Variants in KCNH5 observed in about 807,000 individuals in gnomAD.
KCNH5 encodes voltage-gated delayed rectifier potassium channel KCNH5.
In KCNH5, 46 loss-of-function variants were observed where a neutral mutation model predicts 96.1. That is an observed-to-expected ratio of 0.48 (90% CI 0.38 to 0.61). The LOEUF (loss-of-function observed/expected upper bound fraction) is 0.61, where lower values mean the gene tolerates loss of function less well. KCNH5 is among the 20% of genes least tolerant of loss of function. The pLI, the probability that KCNH5 is intolerant of heterozygous loss-of-function variation, is 0.00. For synonymous variants in KCNH5, 439 were observed against 449.8 expected (o/e 0.98, Z 0.30); for missense variants, 907 against 1,225.8 (o/e 0.74, Z 3.88).
chr14:62,866,558 T>C (rs1888138521), intron 7 of KCNH5, among the ~76,000 whole-genome samples: 1 of 152,168 alleles, frequency 6.6e-6, no homozygotes, highest in African/African-American at 2.4e-5. Flanking sequence ...AATAAGCATG[T>C]GATGAAAAAG....
intron 8 of KCNH5, among the ~76,000 whole-genome samples, chr14:62,842,989 A>G (rs536591950): frequency 4.6e-5 from 7 of 152,284 alleles, no homozygotes; most frequent in Non-Finnish European, 8.8e-5. Context: ...ATTTAGTACT[A>G]TGTTCTACAT....
In KCNH5 at chr14:62,909,872, C is replaced by T. The variant is rs557377477; in HGVS notation, c.1369+40261G>A. ...TGCTCCTTATATGCTTTGCTCCTTC[C>T]GCTTGCCATTGTACTTATCTCTTCT... is the stretch of plus-strand genomic sequence containing the variant. On this transcript the variant is annotated intron_variant, in intron 7 of 10. Coordinates refer to ENST00000322893, the MANE Select transcript of KCNH5 (RefSeq NM_139318.5). Among the ~76,000 whole-genome samples, 143 of 152,070 alleles carry T rather than the reference C, an allele frequency of 9.4e-4. No homozygotes were observed. In the Middle Eastern group the frequency reaches 0.01, roughly 11 times the overall value.
intron 7 of KCNH5, among the ~76,000 whole-genome samples, chr14:62,897,932 A>G (rs1245323066): frequency 6.6e-6 from 1 of 152,026 alleles, no homozygotes; most frequent in Non-Finnish European, 1.5e-5. Context: ...ACCACAGAGG[A>G]AAAAAAACTT....
chr14:62,877,226 A>G (rs1432856431), intron 7 of KCNH5, among the ~76,000 whole-genome samples: 1 of 151,856 alleles, frequency 6.6e-6, no homozygotes, highest in Non-Finnish European at 1.5e-5. Context: ...CGTTAGACCT[A>G]AAACCATAAA....
intron 8 of KCNH5, among the ~76,000 whole-genome samples, chr14:62,819,027 C>T (rs951922704): frequency 6.6e-6 from 1 of 152,242 alleles, no homozygotes; most frequent in Non-Finnish European, 1.5e-5. Flanking sequence ...AGTGCAGTGG[C>T]ACAATCTCAG....
intron 1 of KCNH5, among the ~76,000 whole-genome samples, chr14:63,022,438 C>A (rs535491661): frequency 6.6e-6 from 1 of 151,296 alleles, no homozygotes; most frequent in Non-Finnish European, 1.5e-5. Flanking sequence ...TGAAGCCAAA[C>A]GAGTTTTTTG....
At chr14:62,945,851 A>G (rs1460567014) in intron 7 of KCNH5, among the ~76,000 whole-genome samples, 3 of 152,090 alleles carry the variant, frequency 2.0e-5, no homozygotes, top group Non-Finnish European at 4.4e-5. Context: ...GATGGTGAGC[A>G]TGGACTTAGG....
chr14:62,755,993 G>A (rs1257694621), intron 10 of KCNH5, among the ~76,000 whole-genome samples: 1 of 151,626 alleles, frequency 6.6e-6, no homozygotes, highest in Non-Finnish European at 1.5e-5. Flanking sequence ...TAGATCCACA[G>A]CTAGTACTAT....
chr14:62,972,078 T>G (rs1594652951), intron 6 of KCNH5, among the ~76,000 whole-genome samples: 1 of 152,072 alleles, frequency 6.6e-6, no homozygotes, highest in East Asian at 1.9e-4. Flanking sequence ...AGCCACAAAC[T>G]GAGAGAAAAT....
intron 7 of KCNH5, among the ~76,000 whole-genome samples, chr14:62,865,561 G>T (rs1486455340): frequency 6.6e-6 from 1 of 152,136 alleles, no homozygotes; most frequent in Non-Finnish European, 1.5e-5. Context: ...TAAGTCAGAG[G>T]ACTCTAACAC....
chr14:63,031,615 A>G (rs892390484), intron 1 of KCNH5, among the ~76,000 whole-genome samples: 2 of 152,184 alleles, frequency 1.3e-5, no homozygotes, highest in Non-Finnish European at 2.9e-5. Context: ...AATGGGAGAA[A>G]TCAAAGGATA....
intron 7 of KCNH5, among the ~76,000 whole-genome samples, chr14:62,932,023 G>A (rs1015940569): frequency 1.3e-5 from 2 of 152,112 alleles, no homozygotes; most frequent in Non-Finnish European, 2.9e-5. Flanking sequence ...GAGGGAATTG[G>A]CAGCCTAACA....
At chr14:62,886,063 T>C (rs1287401319) in intron 7 of KCNH5, among the ~76,000 whole-genome samples, 1 of 151,762 alleles carries the variant, frequency 6.6e-6, no homozygotes, top group African/African-American at 2.4e-5. Flanking sequence ...CTCACAATCA[T>C]TAGTCATGTT....
intron 7 of KCNH5, among the ~76,000 whole-genome samples, chr14:62,915,509 G>T (rs1889256385): frequency 1.3e-5 from 2 of 152,154 alleles, no homozygotes; most frequent in Non-Finnish European, 1.5e-5. Context: ...ACAAGTGAAT[G>T]CAGTAAAAGT....
At chr14:63,033,453 CACT>C (rs2139626031) in intron 1 of KCNH5, among the ~76,000 whole-genome samples, 1 of 152,324 alleles carries the variant, frequency 6.6e-6, no homozygotes, top group East Asian at 1.9e-4. Flanking sequence ...ATCAATTTAA[CACT>C]ACTTCTTTAG....
At chr14:62,936,093 T>G (rs959890959) in intron 7 of KCNH5, among the ~76,000 whole-genome samples, 18 of 152,142 alleles carry the variant, frequency 1.2e-4, no homozygotes, top group Admixed American at 1.2e-3. Flanking sequence ...TACTTCCGTA[T>G]GCATGAAAAA....
chr14:62,745,758 C>T (rs1383193727), intron 10 of KCNH5, among the ~76,000 whole-genome samples: 1 of 152,190 alleles, frequency 6.6e-6, no homozygotes, highest in African/African-American at 2.4e-5. Flanking sequence ...AGTTATTCAG[C>T]CATACCTGTG....
At chr14:62,893,375 A>G (rs1166765034) in intron 7 of KCNH5, among the ~76,000 whole-genome samples, 2 of 152,228 alleles carry the variant, frequency 1.3e-5, no homozygotes, top group African/African-American at 4.8e-5. Context: ...TCTTACGGAT[A>G]AGTGAAGAAA....
intron 7 of KCNH5, among the ~76,000 whole-genome samples, chr14:62,870,621 C>A (rs138833848): frequency 4.9e-4 from 75 of 152,194 alleles, no homozygotes; most frequent in African/African-American, 1.7e-3. Flanking sequence ...AAAAGCAAGG[C>A]AGTGAGTATC....
Sources: allele counts gnomAD v4.1 joint callset (sites outside exome capture counted in the v4.1 genomes callset), GRCh38; gene constraint gnomAD v4.1.1; transcripts MANE v1.5; gene names NCBI Gene and HGNC (gene_info 2026-07-23, HGNC 2026-07-21).